CMTM8: variants seen among roughly 807,000 people sequenced by gnomAD.
The protein encoded by CMTM8 is CKLF like MARVEL transmembrane domain containing 8, also known as CKLF-like MARVEL transmembrane domain-containing protein 8.
Under a neutral mutation model 18.6 loss-of-function variants are expected in CMTM8, and 12 were observed. The observed-to-expected ratio is 0.65, with a 90% CI of 0.41 to 1.05. The LOEUF (loss-of-function observed/expected upper bound fraction) is 1.05, where lower values mean the gene tolerates loss of function less well. Ranked by LOEUF, CMTM8 falls within the 50% of genes least tolerant of loss-of-function variation. The probability of loss-of-function intolerance (pLI) is 0.00; values close to 1 mark genes in which losing one functional copy is unlikely to be tolerated. For missense variants in CMTM8, 217 were observed against 227.2 expected (o/e 0.95, Z 0.29); for synonymous variants, 87 against 90.6 (o/e 0.96, Z 0.23).
chr3:32,357,742 A>G (rs1696844205), intron 2 of CMTM8, among the ~76,000 whole-genome samples, 196 bp downstream of exon 2: 1 of 152,232 alleles, frequency 6.6e-6, no homozygotes, highest in South Asian at 2.1e-4. Flanking sequence ...AACTGGGCAC[A>G]TTAGAAGGTC....
At chr3:32,323,805 C>T (rs987387705) in intron 1 of CMTM8, among the ~76,000 whole-genome samples, 2 of 152,200 alleles carry the variant, frequency 1.3e-5, no homozygotes, top group Non-Finnish European at 2.9e-5. Flanking sequence ...GTTGCCAAAG[C>T]GTTTCTCCAC....
intron 1 of CMTM8, among the ~76,000 whole-genome samples, chr3:32,313,200 C>T (rs1020513682): frequency 6.6e-6 from 1 of 152,072 alleles, no homozygotes; most frequent in Non-Finnish European, 1.5e-5. Flanking sequence ...CCTAAAACAG[C>T]CTGAAAACTG....
In CMTM8 at chr3:32,358,197, A is replaced by G. The variant is rs911657872; in HGVS notation, c.321+651A>G. 1.2e-4 allele frequency among the ~76,000 whole-genome samples: 18 copies of G among 152,174 alleles called. No individual in the cohort carries two copies. Among genetic ancestry groups the G allele is most frequent in the Non-Finnish European group, 2.6e-4 (18 of 68,032 alleles). On this transcript the variant is annotated intron_variant, in intron 2 of 3. Coordinates refer to ENST00000307526, the MANE Select transcript of CMTM8 (RefSeq NM_178868.5). This position sits in a 1 kb window ranked among gnomAD's most constrained non-coding sequence, Gnocchi z 4.1. ...CATACACTGCAGTGAAGCTGTGTAG[A>G]AAGTGTGATGGAGGCTGCCACCTCA... is the stretch of plus-strand genomic sequence containing the variant.
intron 1 of CMTM8, among the ~76,000 whole-genome samples, chr3:32,296,864 T>TGTGGCTGATGATGCTTGAC (rs1470422420): frequency 1.3e-5 from 2 of 152,172 alleles, no homozygotes; most frequent in African/African-American, 4.8e-5. Flanking sequence ...TGTGTGTTAT[T>TGTGGCTGATGATGCTTGAC]GTGGCTGATG....
At chr3:32,254,631 T>C (rs1314931520) in intron 1 of CMTM8, among the ~76,000 whole-genome samples, 1 of 152,160 alleles carries the variant, frequency 6.6e-6, no homozygotes, top group Non-Finnish European at 1.5e-5. Context: ...TCATGATATA[T>C]AATTATATGA....
chr3:32,363,600 C>T (rs1333842912), intron 2 of CMTM8, among the ~76,000 whole-genome samples: 1 of 152,200 alleles, frequency 6.6e-6, no homozygotes, highest in Non-Finnish European at 1.5e-5. Flanking sequence ...ACAGACGAAG[C>T]AGCTGAAGAG....
intron 2 of CMTM8, among the ~76,000 whole-genome samples, chr3:32,364,419 G>A (rs1053172503): frequency 5.9e-5 from 9 of 152,222 alleles, no homozygotes; most frequent in African/African-American, 2.2e-4. Context: ...CACGAGAATC[G>A]CTTGAACCTG....
chr3:32,349,761 A>C (rs1040094047), intron 1 of CMTM8, among the ~76,000 whole-genome samples: 4 of 152,118 alleles, frequency 2.6e-5, no homozygotes, highest in African/African-American at 9.7e-5. Flanking sequence ...TAATCCCAGC[A>C]CTTTAGGAGG....
chr3:32,322,868 G>T (rs1225143790), intron 1 of CMTM8, among the ~76,000 whole-genome samples: 2 of 152,206 alleles, frequency 1.3e-5, no homozygotes, highest in African/African-American at 4.8e-5. Flanking sequence ...AGAAAGCAGA[G>T]GGGGACATCT....
chr3:32,357,303 T>G, intron 1 of CMTM8, 70 bp from the exon 2 acceptor site: 10 of 1,092,190 alleles, frequency 9.2e-6, no homozygotes, highest in Non-Finnish European at 1.2e-5. Context: ...TTTTTCTTTG[T>G]CCCTCCTTCC....
intron 1 of CMTM8, among the ~76,000 whole-genome samples, chr3:32,250,726 G>A (rs1433704413): frequency 2.0e-5 from 3 of 152,024 alleles, no homozygotes; most frequent in Middle Eastern, 3.4e-3. Context: ...CTCCAATTGA[G>A]TTCTTTTTTA....
In CMTM8 at chr3:32,352,204, CAAAAAAAA is replaced by C. The variant is rs754856970; in HGVS notation, c.148-5162_148-5155del. Among the ~76,000 whole-genome samples the C allele has an allele frequency of 3.2e-4, 21 of 65,948 alleles. No homozygotes were observed. The South Asian group carries it at 8.3e-3, about 26-fold the overall frequency. 43.3% of individuals were successfully genotyped at this position (65,948 alleles called of 152,430 possible). ...AAAAACACACACACACACACACTCACAAAAAAAAAAAAAAGAAAAAAAACTATCAAGAA... is the reference window on the plus strand; with the variant it reads ...AAAAACACACACACACACACACTCACAAAAAAGAAAAAAAACTATCAAGAA... On this transcript the variant is annotated intron_variant, in intron 1 of 3. Transcript: ENST00000307526.
At chr3:32,252,358 C>T (rs530384479) in intron 1 of CMTM8, among the ~76,000 whole-genome samples, 3 of 152,242 alleles carry the variant, frequency 2.0e-5, no homozygotes, top group South Asian at 2.1e-4. Flanking sequence ...TCTTTGCTAT[C>T]GCTGTATACT....
intron 1 of CMTM8, among the ~76,000 whole-genome samples, chr3:32,288,780 G>A (rs749189067): frequency 1.2e-4 from 18 of 152,310 alleles, no homozygotes; most frequent in South Asian, 4.1e-4. Flanking sequence ...GATTACAGGC[G>A]TGAGCCACTA....
chr3:32,361,286 G>GTTTGTTTTTTTTGTT (rs140270969), intron 2 of CMTM8, among the ~76,000 whole-genome samples: 1 of 87,230 alleles, frequency 1.1e-5, no homozygotes, highest in African/African-American at 4.0e-5. Flanking sequence ...CAGCCTAAGA[G>GTTTGTTTTTTTTGTT]TTTTTTTTTC....
intron 1 of CMTM8, among the ~76,000 whole-genome samples, chr3:32,342,644 G>A (rs967882478): frequency 6.6e-6 from 1 of 152,158 alleles, no homozygotes; most frequent in Non-Finnish European, 1.5e-5. Flanking sequence ...TCATGAGAGA[G>A]CTCTCAAGCT....
intron 1 of CMTM8, among the ~76,000 whole-genome samples, chr3:32,340,583 G>A (rs558496143): frequency 2.4e-4 from 36 of 152,338 alleles, no homozygotes; most frequent in African/African-American, 8.2e-4. Flanking sequence ...AGTGTGTGTG[G>A]TTGTAAACAG....
intron 1 of CMTM8, among the ~76,000 whole-genome samples, chr3:32,298,318 C>T (rs888973160): frequency 2.0e-4 from 31 of 152,072 alleles, no homozygotes; most frequent in African/African-American, 7.2e-4. Context: ...GCAATCCACC[C>T]GCATTGGCCT....
intron 1 of CMTM8, among the ~76,000 whole-genome samples, chr3:32,351,464 T>C (rs956020543): frequency 6.6e-6 from 1 of 152,152 alleles, no homozygotes. Context: ...TCCCAGCACT[T>C]TGGGAGACCA....
Sources: gnomAD v4.1 joint callset for allele counts (sites outside exome capture counted in the v4.1 genomes callset) on GRCh38, gnomAD v4.1.1 for gene constraint, Gnocchi (gnomAD v3.1) non-coding constraint, MANE v1.5 for transcripts, NCBI Gene and HGNC (gene_info 2026-07-23, HGNC 2026-07-21) for gene names.